The following ADGRB1 variants were observed in gnomAD, a reference collection of about 807,000 sequenced individuals.
ADGRB1 encodes adhesion G protein-coupled receptor B1, also known as brain-specific angiogenesis inhibitor 1.
In ADGRB1, 36 loss-of-function variants were observed where a neutral mutation model predicts 175.7. The observed-to-expected ratio is 0.20, with a 90% CI of 0.16 to 0.27. The LOEUF is 0.27. Among genes scored for constraint, ADGRB1 ranks in the 10% least tolerant of loss-of-function variants. ADGRB1 has a pLI of 1.00. For missense variants in ADGRB1, 1,731 were observed against 2,255.3 expected (o/e 0.77, Z 4.71); for synonymous variants, 1,054 against 979.4 (o/e 1.08, Z -1.42).
chr8:142,497,926 G>C (rs1258037809), intron 17 of ADGRB1, among the ~76,000 whole-genome samples: 1 of 152,184 alleles, frequency 6.6e-6, no homozygotes, highest in Non-Finnish European at 1.5e-5. Context: ...CCTGAACTTC[G>C]AGTGGGCTAG....
At chr8:142,522,216 C>G in intron 21 of ADGRB1, 101 bp downstream of exon 21, 1 of 1,481,584 alleles carries the variant, frequency 6.7e-7, no homozygotes, top group Non-Finnish European at 9.0e-7. Flanking sequence ...CTGTGGACCC[C>G]TGGGGCCTCA....
At chr8:142,509,088 CGCCA>C (rs1325913512) in intron 17 of ADGRB1, among the ~76,000 whole-genome samples, 1 of 152,368 alleles carries the variant, frequency 6.6e-6, no homozygotes, top group East Asian at 1.9e-4. Context: ...GGGTCTCCCC[CGCCA>C]GCCAGCGGCT....
In ADGRB1 at chr8:142,493,930, C is replaced by T. The variant is rs997740734; in HGVS notation, c.2675+3115C>T. On this transcript the variant is annotated intron_variant, in intron 17 of 30. Transcript: ENST00000517894. This position sits in a 1 kb window ranked among gnomAD's most constrained non-coding sequence, Gnocchi z 5.0. ...CGGGGAGCTGAGTTTCCCAGTTGAC[C>T]TGAAGTGGAGACCACGGGCAGGGGC... is the stretch of plus-strand genomic sequence containing the variant. 6.6e-6 allele frequency among the ~76,000 whole-genome samples: 1 copy of T among 152,164 alleles called. No homozygotes were observed. The highest frequency in any genetic ancestry group is 2.4e-5 in the African/African-American group (1 of 41,432).
At chr8:142,481,808 C>A in intron 11 of ADGRB1, 97 bp downstream of exon 11, 1 of 1,100,488 alleles carries the variant, frequency 9.1e-7, no homozygotes, top group Non-Finnish European at 1.3e-6. Flanking sequence ...CTGGCCACAG[C>A]CCAGGCCCTA....
At chr8:142,456,783 G>C (rs369927205) in intron 1 of ADGRB1, among the ~76,000 whole-genome samples, 11 of 152,262 alleles carry the variant, frequency 7.2e-5, no homozygotes, top group Middle Eastern at 3.2e-3. Context: ...TGGAGGCCTG[G>C]GTTGGGGCCT....
intron 1 of ADGRB1, among the ~76,000 whole-genome samples, chr8:142,462,550 C>T (rs1440862835): frequency 6.6e-6 from 1 of 152,236 alleles, no homozygotes; most frequent in East Asian, 1.9e-4. Flanking sequence ...CTGGGCCCAG[C>T]TCCCTGCTCT....
intron 21 of ADGRB1, 147 bp downstream of exon 21, chr8:142,522,262 C>A: frequency 8.6e-7 from 1 of 1,163,428 alleles, no homozygotes; most frequent in Admixed American, 2.8e-5. Context: ...TCTGGGCCCT[C>A]GTTCTTCCAT....
At chr8:142,469,540 T>C (rs532006216) in intron 2 of ADGRB1, among the ~76,000 whole-genome samples, 1 of 150,540 alleles carries the variant, frequency 6.6e-6, no homozygotes, top group African/African-American at 2.5e-5. Context: ...TGAATGTGAG[T>C]GTATGCACGT....
At chr8:142,515,437 A>G (rs962995992) in intron 18 of ADGRB1, among the ~76,000 whole-genome samples, 1 of 151,934 alleles carries the variant, frequency 6.6e-6, no homozygotes, top group Non-Finnish European at 1.5e-5. Context: ...GAGAGGGATC[A>G]GGTGGACCAG....
Position 142,477,253 on chromosome 8 carries a change from G to A in ADGRB1, c.1197G>A (p.Leu399=). 6.3e-7 allele frequency: 1 copy of A among 1,596,762 alleles called. No homozygotes were observed. Among genetic ancestry groups the A allele is most frequent in the East Asian group, 2.2e-5 (1 of 44,546 alleles). The change falls in exon 5 of 31, where the codon CTG becomes CTA. Residue 399 remains leucine (L), a synonymous_variant. Transcript: ENST00000517894. ...GCGGACCCCTGCGCGAGCAGCGGCT[G>A]TGCAACAACTCTGCCGTGTGCCCAG... ...QCSGPLREQR[L]CNNSAVCPVH...
intron 1 of ADGRB1, among the ~76,000 whole-genome samples, chr8:142,462,608 G>C (rs911214302): frequency 6.6e-6 from 1 of 152,272 alleles, no homozygotes; most frequent in African/African-American, 2.4e-5. Context: ...CTGCAGAGCA[G>C]TGACCGACCT....
chr8:142,500,329 C>T lies in ADGRB1; in HGVS notation c.2675+9514C>T, dbSNP rs182061193. ...ACCTCCCCACGCGCCGCTCCTCCCC[C>T]GCCCCCCGCGCCGCTCCTCCCCCGC... On this transcript the variant is annotated intron_variant, in intron 17 of 30. Coordinates refer to ENST00000517894, the MANE Select transcript of ADGRB1 (RefSeq NM_001702.3). 9.7e-4 allele frequency among the ~76,000 whole-genome samples: 58 copies of T among 60,080 alleles called. 5 individuals are homozygous for T. The highest frequency in any genetic ancestry group is 2.2e-3 in the African/African-American group (37 of 16,504). 39.4% of individuals were successfully genotyped at this position (60,080 alleles called of 152,430 possible).
intron 21 of ADGRB1, 98 bp downstream of exon 21, chr8:142,522,213 C>A (rs1293144925): frequency 6.7e-7 from 1 of 1,483,714 alleles, no homozygotes; most frequent in Non-Finnish European, 9.0e-7. Context: ...CCCCTGTGGA[C>A]CCCTGGGGCC....
Position 142,479,882 on chromosome 8 carries a change from G to A in ADGRB1, c.1828+88G>A. On this transcript the variant is annotated intron_variant, in intron 9 of 30. Transcript: ENST00000517894. ...GCTGAGGTGCTGTCAGCACTGGGAGGCGGCCCAGACACGGAGCCCAGACAG... is the reference window on the plus strand; with the variant it reads ...GCTGAGGTGCTGTCAGCACTGGGAGACGGCCCAGACACGGAGCCCAGACAG... 1.2e-5 allele frequency: 17 copies of A among 1,399,418 alleles called. No homozygotes were observed. The South Asian group carries it at 2.0e-4, about 17-fold the overall frequency. The allele number at this position is 1,399,418 out of a possible 1,614,324, so 86.7% of individuals were successfully genotyped here.
At chr8:142,539,766 C>T (rs1845154351) in intron 27 of ADGRB1, 1 of 435,374 alleles carries the variant, frequency 2.3e-6, no homozygotes, top group Non-Finnish European at 4.2e-6. Context: ...GGAGCACAGC[C>T]TCACCCTAGT....
At position 142,537,036 on chromosome 8, in the gene ADGRB1, A is replaced by T. The variant is rs745528971; in HGVS notation, c.3620A>T (p.Asn1207Ile). 6.3e-7 allele frequency: 1 copy of T among 1,589,476 alleles called. No homozygotes were observed. Among genetic ancestry groups the T allele is most frequent in the South Asian group, 1.1e-5 (1 of 87,326 alleles). Reference protein sequence around the residue: ...CRVVDRQEEGNGDSGGSFQNG... With the variant: ...CRVVDRQEEGIGDSGGSFQNG... ...GTGGTTGACCGGCAGGAGGAGGGCA[A>T]CGGGGACTCAGGGGGCTCCTTCCAG... Residue 1207 changes from asparagine to isoleucine, a missense_variant, in exon 26 of 31, where the codon AAC (asparagine) becomes ATC (isoleucine). Asn to Ile is a moderately radical substitution (Grantham distance 149, BLOSUM62 -3). Around this residue, in one of 8 missense-constraint regions of ADGRB1, gnomAD observed 301 missense variants for 488.4 expected, o/e 0.62. Transcript: ENST00000517894. The surrounding 1 kb of genome is among the most constrained non-coding windows in gnomAD (Gnocchi z 4.6).
intron 17 of ADGRB1, among the ~76,000 whole-genome samples, chr8:142,494,196 T>C (rs1171038855): frequency 2.6e-5 from 4 of 152,116 alleles, no homozygotes; most frequent in African/African-American, 9.7e-5. Flanking sequence ...AGAGCCCAGA[T>C]CCCAAACTCA....
At position 142,449,779 on chromosome 8, in the gene ADGRB1, G is replaced by T. The variant is rs1370609350; in HGVS notation, c.-545G>T. The stretch of plus-strand genomic sequence containing the variant: ...GGAGCGAGCGCGGAGCCGGAGAGCC[G>T]GGAGCACAGGCGGCCGCGCCGCGTC... On this transcript the variant is annotated 5_prime_UTR_variant, in exon 1 of 31. Transcript: ENST00000517894. 6.8e-6 allele frequency: 1 copy of T among 146,894 alleles called. No individual in the cohort carries two copies. The highest frequency in any genetic ancestry group is 1.5e-5 in the Non-Finnish European group (1 of 65,792). The allele number at this position is 146,894 out of a possible 1,614,324, so 9.1% of individuals were successfully genotyped here.
In ADGRB1 at chr8:142,510,249, C is replaced by T. The variant is rs1456209185; in HGVS notation, c.2676-683C>T. 6.6e-6 allele frequency among the ~76,000 whole-genome samples: 1 copy of T among 152,044 alleles called. No individual in the cohort carries two copies. The highest frequency in any genetic ancestry group is 1.5e-5 in the Non-Finnish European group (1 of 67,976). The stretch of plus-strand genomic sequence containing the variant: ...CGGGGCAGTCGCGGCCCGTAGACAG[C>T]GGGCGGCTGGGTCAGACCGCAGAGG... On this transcript the variant is annotated intron_variant, in intron 17 of 30. Transcript: ENST00000517894. The surrounding 1 kb of genome is among the most constrained non-coding windows in gnomAD (Gnocchi z 6.3).
Sources: gnomAD v4.1 joint callset for allele counts (sites outside exome capture counted in the v4.1 genomes callset) on GRCh38, gnomAD v4.1.1 for gene constraint, gnomAD v4.1.1 regional missense constraint, Gnocchi (gnomAD v3.1) non-coding constraint, MANE v1.5 for transcripts, NCBI Gene and HGNC (gene_info 2026-07-23, HGNC 2026-07-21) for gene names.